The following LIMCH1 variants were observed in gnomAD, a reference collection of about 807,000 sequenced individuals.
LIMCH1 encodes LIM and calponin homology domains-containing protein 1.
In LIMCH1, 113 loss-of-function variants were observed where a neutral mutation model predicts 176.5. The ratio of observed to expected loss-of-function variants is 0.64; its 90% CI spans 0.55 to 0.75. LIMCH1 has a LOEUF of 0.75. LIMCH1 is among the 30% of genes least tolerant of loss of function. The pLI, the probability that LIMCH1 is intolerant of heterozygous loss-of-function variation, is 0.00. For missense variants in LIMCH1, 1,674 were observed against 1,814.9 expected, an observed-to-expected ratio of 0.92 and a Z score of 1.41; for synonymous variants, 619 against 645.9, an observed-to-expected ratio of 0.96 and a Z score of 0.63.
intron 30 of LIMCH1, among the ~76,000 whole-genome samples, chr4:41,690,362 G>T (rs1304327935): frequency 8.5e-5 from 13 of 152,140 alleles, no homozygotes; most frequent in Admixed American, 8.5e-4. Flanking sequence ...AAAATGAGGA[G>T]TTCTAGATTC....
intron 1 of LIMCH1, among the ~76,000 whole-genome samples, chr4:41,481,936 G>C (rs898012778): frequency 1.3e-5 from 2 of 151,306 alleles, no homozygotes; most frequent in African/African-American, 2.4e-5. Flanking sequence ...CTGCAACCTC[G>C]GTCTCTTGGG....
At chr4:41,484,888 T>G (rs1190455257) in intron 1 of LIMCH1, among the ~76,000 whole-genome samples, 1 of 152,174 alleles carries the variant, frequency 6.6e-6, no homozygotes, top group Admixed American at 6.5e-5. Flanking sequence ...TCTACCAGAT[T>G]GCTTTCAAAA....
chr4:41,531,509 CACACACAT>C (rs747107705), intron 3 of LIMCH1, among the ~76,000 whole-genome samples: 5,446 of 116,566 alleles, frequency 0.047, 119 homozygotes, highest in Middle Eastern at 0.074. Context: ...CACACACACA[CACACACAT>C]ACACACCTTA....
At chr4:41,418,375 C>A (rs2060121400) in intron 1 of LIMCH1, among the ~76,000 whole-genome samples, 2 of 152,190 alleles carry the variant, frequency 1.3e-5, no homozygotes, top group South Asian at 4.1e-4. Context: ...GGGACTCAAC[C>A]TGGGTGAGCA....
At chr4:41,396,085 G>A (rs2057775783) in intron 1 of LIMCH1, among the ~76,000 whole-genome samples, 1 of 152,182 alleles carries the variant, frequency 6.6e-6, no homozygotes, top group South Asian at 2.1e-4. Flanking sequence ...GGGGCTGTGA[G>A]TGAGGAGGAG....
At chr4:41,665,554 A>G (rs2152992445) in intron 20 of LIMCH1, among the ~76,000 whole-genome samples, 1 of 152,296 alleles carries the variant, frequency 6.6e-6, no homozygotes, top group Non-Finnish European at 1.5e-5. Flanking sequence ...CAAATTAGGG[A>G]TCAGCATATG....
intron 29 of LIMCH1, 74 bp downstream of exon 29, chr4:41,687,991 A>C (rs1722278675): frequency 8.4e-7 from 1 of 1,191,668 alleles, no homozygotes; most frequent in Admixed American, 1.7e-5. Flanking sequence ...TTTCAACTGA[A>C]TTAGTGCTTG....
intron 1 of LIMCH1, among the ~76,000 whole-genome samples, chr4:41,595,118 G>T (rs959300546): frequency 1.3e-5 from 2 of 152,142 alleles, no homozygotes; most frequent in African/African-American, 4.8e-5. Flanking sequence ...TAAGTGAGTG[G>T]TGCACGTGTT....
intron 1 of LIMCH1, among the ~76,000 whole-genome samples, chr4:41,460,193 G>A (rs532778895): frequency 6.6e-6 from 1 of 152,150 alleles, no homozygotes; most frequent in South Asian, 2.1e-4. Flanking sequence ...CACTAGTCAG[G>A]TGTGACTATT....
At chr4:41,372,705 G>T (rs2054155817) in intron 1 of LIMCH1, among the ~76,000 whole-genome samples, 1 of 152,150 alleles carries the variant, frequency 6.6e-6, no homozygotes, top group Non-Finnish European at 1.5e-5. Flanking sequence ...GTTGAATATT[G>T]TCTGTGTGTG....
chr4:41,382,048 T>G (rs1392078690), intron 1 of LIMCH1, among the ~76,000 whole-genome samples: 5 of 152,222 alleles, frequency 3.3e-5, no homozygotes, highest in African/African-American at 1.2e-4. Context: ...TCCAGACTTA[T>G]GAGTGCGTCC....
chr4:41,596,342 C>A (rs2088812917), intron 1 of LIMCH1, among the ~76,000 whole-genome samples: 1 of 151,662 alleles, frequency 6.6e-6, no homozygotes, highest in Non-Finnish European at 1.5e-5. Flanking sequence ...AATGATGTGA[C>A]CCAAATTGGA....
At chr4:41,503,635 C>A (rs2073760810) in intron 2 of LIMCH1, among the ~76,000 whole-genome samples, 1 of 152,112 alleles carries the variant, frequency 6.6e-6, no homozygotes, top group Non-Finnish European at 1.5e-5. Flanking sequence ...TCAGACCTGT[C>A]CTGTCAGGAG....
intron 17 of LIMCH1, among the ~76,000 whole-genome samples, chr4:41,648,657 G>GT (rs2094158756): frequency 1.5e-5 from 2 of 136,900 alleles, no homozygotes; most frequent in Admixed American, 7.6e-5. Flanking sequence ...TAAGGGGTAG[G>GT]GGTGTGTGTG....
intron 1 of LIMCH1, among the ~76,000 whole-genome samples, chr4:41,471,554 C>T (rs1221424265): frequency 6.6e-6 from 1 of 152,164 alleles, no homozygotes; most frequent in Non-Finnish European, 1.5e-5. Flanking sequence ...TTCCACCTGG[C>T]ATTTGATGAA....
At position 41,516,105 on chromosome 4, in the gene LIMCH1, G is replaced by A. The variant is rs562961931; in HGVS notation, c.168-8304G>A. On this transcript the variant is annotated intron_variant, in intron 2 of 26. Transcript: ENST00000313860. ...CTTTTCGTGTGTTGGCAGCTTTCAC[G>A]GTTCATTGATCATATGTTTCATCCT... Among the ~76,000 whole-genome samples, 13 of 152,206 alleles carry A rather than the reference G, an allele frequency of 8.5e-5. No individual in the cohort carries two copies. In the South Asian group the frequency reaches 1.5e-3, roughly 17 times the overall value.
chr4:41,610,260 G>T lies in LIMCH1; in HGVS notation c.10-3206G>T, dbSNP rs577493852. 5.3e-5 allele frequency among the ~76,000 whole-genome samples: 8 copies of T among 152,316 alleles called. No individual in the cohort carries two copies. The South Asian group carries it at 1.5e-3, about 28-fold the overall frequency. On this transcript the variant is annotated intron_variant, in intron 4 of 31. Coordinates refer to ENST00000503057, the MANE Select transcript of LIMCH1 (RefSeq NM_001330672.2). ...GGGAAGACATTTGGGCCTGTGGGGA[G>T]CCTTTCTGATATTATTTTCTTGAAA... is the stretch of plus-strand genomic sequence containing the variant.
intron 1 of LIMCH1, among the ~76,000 whole-genome samples, chr4:41,420,691 G>A (rs2060533027): frequency 6.6e-6 from 1 of 152,146 alleles, no homozygotes; most frequent in Non-Finnish European, 1.5e-5. Flanking sequence ...GCCTCCGGAG[G>A]CCCTTGAGAT....
chr4:41,419,058 A>G (rs1288595814), intron 1 of LIMCH1, among the ~76,000 whole-genome samples: 1 of 152,228 alleles, frequency 6.6e-6, no homozygotes, highest in Non-Finnish European at 1.5e-5. Flanking sequence ...CTGAATTTCC[A>G]GTCACTTCAC....
Sources: gnomAD v4.1 joint callset for allele counts (sites outside exome capture counted in the v4.1 genomes callset) on GRCh38, gnomAD v4.1.1 for gene constraint, MANE v1.5 for transcripts, NCBI Gene and HGNC (gene_info 2026-07-23, HGNC 2026-07-21) for gene names.